The following CFAP70 variants were observed in gnomAD, a reference collection of about 807,000 sequenced individuals.
CFAP70 encodes cilia- and flagella-associated protein 70.
CFAP70 carries 81 observed loss-of-function variants against 137.6 expected under a neutral mutation model. That is an observed-to-expected ratio of 0.59 (90% CI 0.49 to 0.71). The LOEUF is 0.71. Ranked by LOEUF, CFAP70 falls within the 30% of genes least tolerant of loss-of-function variation. The pLI is 0.00. For synonymous variants in CFAP70, 382 were observed against 423.6 expected (o/e 0.90, Z 1.20); for missense variants, 976 against 1,226.7 (o/e 0.80, Z 3.05).
intron 3 of CFAP70, among the ~76,000 whole-genome samples, chr10:73,352,718 C>T (rs1238416779): frequency 5.3e-5 from 8 of 152,136 alleles, no homozygotes; most frequent in Admixed American, 5.2e-4. Flanking sequence ...TCCATCTTCT[C>T]AAAAGTTCTG....
chr10:73,316,481 G>GATATATATATATATATATATATAT (rs1253458738), intron 9 of CFAP70, among the ~76,000 whole-genome samples: 11 of 106,548 alleles, frequency 1.0e-4, no homozygotes, highest in South Asian at 4.1e-4. Context: ...TATATATATA[G>GATATATATATATATATATATATAT]ATATAGATAT....
intron 15 of CFAP70, 170 bp from the exon 17 acceptor site, chr10:73,293,558 G>A: frequency 2.0e-6 from 1 of 507,962 alleles, no homozygotes; most frequent in Non-Finnish European, 3.3e-6. Context: ...TGAACCAGGA[G>A]AGAAATGTCA....
At chr10:73,343,753 G>A (rs2053475260) in intron 5 of CFAP70, among the ~76,000 whole-genome samples, 1 of 151,908 alleles carries the variant, frequency 6.6e-6, no homozygotes, top group South Asian at 2.1e-4. Context: ...ACCTGGTAGG[G>A]CAACCTTTCA....
At chr10:73,344,952 C>G (rs2053583760) in intron 5 of CFAP70, 113 bp downstream of exon 6, 2 of 707,728 alleles carry the variant, frequency 2.8e-6, no homozygotes, top group Admixed American at 2.6e-5. Flanking sequence ...TAAAATAAAT[C>G]TCAGCTATTA....
chr10:73,292,056 T>C, intron 16 of CFAP70, 42 bp from the exon 18 acceptor site: 1 of 1,607,112 alleles, frequency 6.2e-7, no homozygotes, highest in Non-Finnish European at 8.5e-7. Flanking sequence ...TACTATGTCC[T>C]ATTTTTATGC....
chr10:73,348,518 G>C, exon 4 of CFAP70: 1 of 1,509,218 alleles, frequency 6.6e-7, no homozygotes, highest in Non-Finnish European at 8.9e-7. Flanking sequence ...TTCAGTCACA[G>C]TTACTAGAAA....
intron 1 of CFAP70, among the ~76,000 whole-genome samples, chr10:73,357,506 G>A (rs78784881): frequency 0.011 from 1,653 of 152,254 alleles, 28 homozygotes; most frequent in African/African-American, 0.033. Context: ...AAGAAATAGG[G>A]AGAAAATGAG....
chr10:73,269,615 T>G, exon 25 of CFAP70: 2 of 1,611,068 alleles, frequency 1.2e-6, no homozygotes, highest in Non-Finnish European at 1.7e-6. Flanking sequence ...AACACTCACT[T>G]TCAGGCAGAC....
At chr10:73,288,448 A>G (rs373261195) in intron 19 of CFAP70, among the ~76,000 whole-genome samples, 31 of 152,316 alleles carry the variant, frequency 2.0e-4, no homozygotes, top group African/African-American at 5.5e-4. Flanking sequence ...GGTTCTGTCA[A>G]TGCCATAGAC....
intron 8 of CFAP70, among the ~76,000 whole-genome samples, chr10:73,329,519 C>A (rs1300888801): frequency 1.3e-5 from 2 of 151,674 alleles, no homozygotes; most frequent in Non-Finnish European, 2.9e-5. Flanking sequence ...AACAAACAAA[C>A]AAACAAAAAA....
In CFAP70 at chr10:73,254,160, C is replaced by T. The variant is rs913378763; in HGVS notation, c.3076-105G>A. On this transcript the variant is annotated intron_variant, in intron 26 of 26. Transcript: ENST00000310715. ...GGGGCTACGGCTAAAGAACATAGTT[C>T]CCTGGGATGGAATTGGCTCTTCCTA... The T allele has an allele frequency of 8.1e-6, 7 of 862,284 alleles. No homozygotes were observed. The Admixed American group carries it at 8.2e-5, about 10-fold the overall frequency. The allele number at this position is 862,284 out of a possible 1,614,324, so 53.4% of individuals were successfully genotyped here. A position where few individuals can be genotyped will look rare whatever the true frequency, so the allele number is the denominator to read the frequency against.
At chr10:73,357,675 C>T (rs533100354) in intron 1 of CFAP70, among the ~76,000 whole-genome samples, 4 of 152,300 alleles carry the variant, frequency 2.6e-5, no homozygotes, top group East Asian at 1.9e-4. Flanking sequence ...TGCCAGTCAA[C>T]TCCCCTCTTC....
upstream of CFAP70, among the ~76,000 whole-genome samples, chr10:73,361,570 T>G (rs920531707): frequency 8.5e-5 from 13 of 152,216 alleles, no homozygotes; most frequent in African/African-American, 2.9e-4. Flanking sequence ...AGTACTGGAA[T>G]CATAATAAAA....
intron 3 of CFAP70, among the ~76,000 whole-genome samples, chr10:73,352,135 A>G (rs997188779): frequency 2.0e-5 from 3 of 152,146 alleles, no homozygotes; most frequent in Non-Finnish European, 4.4e-5. Flanking sequence ...GTGAAGGGAC[A>G]CCTTGCTGCT....
At chr10:73,338,372 C>T (rs1416154518) in intron 6 of CFAP70, among the ~76,000 whole-genome samples, 7 of 151,746 alleles carry the variant, frequency 4.6e-5, no homozygotes, top group African/African-American at 1.5e-4. Context: ...GTGATCTGCC[C>T]GCCTTGGCCT....
chr10:73,259,520 G>A (rs926393111), intron 25 of CFAP70, among the ~76,000 whole-genome samples: 6 of 152,104 alleles, frequency 3.9e-5, no homozygotes, highest in Non-Finnish European at 5.9e-5. Flanking sequence ...CTGGAGTGCA[G>A]TGGCACAATC....
chr10:73,321,495 TTAGTGTAC>T (rs2050847924), intron 9 of CFAP70, among the ~76,000 whole-genome samples: 1 of 152,182 alleles, frequency 6.6e-6, no homozygotes, highest in African/African-American at 2.4e-5. Context: ...TACTACTCAG[TTAGTGTAC>T]AACTAGATGA....
chr10:73,270,564 C>G (rs2046225947), intron 24 of CFAP70, among the ~76,000 whole-genome samples: 1 of 131,820 alleles, frequency 7.6e-6, no homozygotes, highest in South Asian at 2.9e-4. Context: ...TCGACAGAGT[C>G]TCGCTGTACT....
chr10:73,282,826 C>CT (rs1203127459), intron 19 of CFAP70, among the ~76,000 whole-genome samples: 2,262 of 90,842 alleles, frequency 0.025, 29 homozygotes, highest in East Asian at 0.04. Context: ...TTCCTGTTAT[C>CT]TTTTTTTTTT....
Sources: allele counts gnomAD v4.1 joint callset (sites outside exome capture counted in the v4.1 genomes callset), GRCh38; gene constraint gnomAD v4.1.1; transcripts MANE v1.5; gene names NCBI Gene and HGNC (gene_info 2026-07-23, HGNC 2026-07-21).